KIAA0319L: variants seen among roughly 807,000 people sequenced by gnomAD.
The protein encoded by KIAA0319L is dyslexia-associated protein KIAA0319-like protein.
A neutral mutation model predicts 120.1 loss-of-function variants in KIAA0319L; 55 were observed. The ratio of observed to expected loss-of-function variants is 0.46; its 90% CI spans 0.37 to 0.57. KIAA0319L has a LOEUF of 0.57. KIAA0319L is among the 20% of genes least tolerant of loss of function. The pLI is 0.00. For synonymous variants in KIAA0319L, 398 were observed against 471.9 expected (o/e 0.84, Z 2.03); for missense variants, 1,049 against 1,255.3 (o/e 0.84, Z 2.48).
intron 2 of KIAA0319L, among the ~76,000 whole-genome samples, chr1:35,552,015 T>C (rs1375333694): frequency 6.7e-6 from 1 of 149,450 alleles, no homozygotes; most frequent in African/African-American, 2.5e-5. Context: ...ATCCCTCAAA[T>C]AGGAAGCTGC....
At chr1:35,442,788 AC>A in intron 18 of KIAA0319L, 117 bp downstream of exon 18, 1 of 1,258,722 alleles carries the variant, frequency 7.9e-7, no homozygotes, top group South Asian at 1.3e-5. Flanking sequence ...AACAGAAAAT[AC>A]ACAAAGTTCT....
intron 6 of KIAA0319L, among the ~76,000 whole-genome samples, chr1:35,470,499 A>C (rs1460229302): frequency 6.0e-5 from 9 of 150,276 alleles, no homozygotes; most frequent in African/African-American, 2.2e-4. Context: ...TCTCAAAAAA[A>C]AAAAAAAAAA....
chr1:35,517,133 C>T (rs1645714347), intron 2 of KIAA0319L, among the ~76,000 whole-genome samples: 2 of 152,098 alleles, frequency 1.3e-5, no homozygotes, highest in African/African-American at 4.8e-5. Flanking sequence ...GGTCATACTA[C>T]CCAAATCAAT....
chr1:35,448,409 G>T, intron 15 of KIAA0319L, 77 bp from the exon 16 acceptor site: 1 of 1,344,216 alleles, frequency 7.4e-7, no homozygotes, highest in Non-Finnish European at 1.0e-6. Context: ...ATTTGCTTTG[G>T]CACAGGAGAG....
chr1:35,546,856 C>T (rs1489759427), intron 2 of KIAA0319L, among the ~76,000 whole-genome samples: 7 of 151,904 alleles, frequency 4.6e-5, no homozygotes, highest in East Asian at 1.9e-4. Context: ...CTGGAACCCC[C>T]ATACTTTACT....
chr1:35,466,294 T>C (rs971560866), intron 7 of KIAA0319L, among the ~76,000 whole-genome samples: 1 of 152,158 alleles, frequency 6.6e-6, no homozygotes, highest in Non-Finnish European at 1.5e-5. Context: ...GGCTCTTGGC[T>C]TCCCTGTGTC....
At chr1:35,497,753 T>C (rs1234924685) in intron 3 of KIAA0319L, among the ~76,000 whole-genome samples, 2 of 152,188 alleles carry the variant, frequency 1.3e-5, no homozygotes, top group African/African-American at 2.4e-5. Flanking sequence ...TTATAACGAT[T>C]GCACAATGTC....
intron 2 of KIAA0319L, chr1:35,510,980 C>A (rs745700989): frequency 6.6e-6 from 1 of 152,020 alleles, no homozygotes; most frequent in Non-Finnish European, 1.5e-5. Context: ...GTTGGAGCAT[C>A]AGAAAAACCA....
rs1286913886 is a variant in KIAA0319L at position 35,448,242 on chromosome 1, A to G, written c.2444T>C (p.Ile815Thr). 7 of 1,614,106 alleles carry G rather than the reference A, an allele frequency of 4.3e-6. No homozygotes were observed. In the South Asian group the frequency reaches 5.5e-5, roughly 13 times the overall value. ...ATCCAGCACCCCCAGGAGGACCCCAATCTGGCGGATGAACATCCCCTTCAG... is the reference window on the plus strand; with the variant it reads ...ATCCAGCACCCCCAGGAGGACCCCAGTCTGGCGGATGAACATCCCCTTCAG... ...ERLKGMFIRQ[I>T]GVLLGVLDSD... Residue 815 changes from isoleucine to threonine, a missense_variant, in exon 16 of 21, where the codon ATT becomes ACT. Transcript: ENST00000325722.
At chr1:35,536,168 T>C (rs1646565469) in intron 2 of KIAA0319L, among the ~76,000 whole-genome samples, 1 of 152,098 alleles carries the variant, frequency 6.6e-6, no homozygotes, top group Non-Finnish European at 1.5e-5. Context: ...AATTGGGGAG[T>C]GCACTGAATA....
At position 35,442,465 on chromosome 1, in the gene KIAA0319L, A is replaced by G. The variant is rs2275248; in HGVS notation, c.2780-129T>C. 2.2e-4 allele frequency: 159 copies of G among 737,572 alleles called. 2 individuals are homozygous for G. The East Asian group carries it at 4.0e-3, about 18-fold the overall frequency. The allele number at this position is 737,572 out of a possible 1,614,324, so 45.7% of individuals were successfully genotyped here. A position where few individuals can be genotyped will look rare whatever the true frequency, so the allele number is the denominator to read the frequency against. Reference sequence around the variant, plus strand: ...AATGCCTCAGGCTCCCCAGGAAGGTAAGACCTTGGAGTTAAGGGCAGCTGA... The same window carrying G: ...AATGCCTCAGGCTCCCCAGGAAGGTGAGACCTTGGAGTTAAGGGCAGCTGA... On this transcript the variant is annotated intron_variant, in intron 18 of 20. Transcript: ENST00000325722.
intron 10 of KIAA0319L, among the ~76,000 whole-genome samples, chr1:35,455,446 C>A (rs1172145718): frequency 6.6e-6 from 1 of 152,154 alleles, no homozygotes; most frequent in African/African-American, 2.4e-5. Context: ...AGCCAATCTA[C>A]TCTAACTTGT....
intron 2 of KIAA0319L, among the ~76,000 whole-genome samples, chr1:35,537,553 A>G (rs970884776): frequency 6.6e-6 from 1 of 151,026 alleles, no homozygotes; most frequent in Non-Finnish European, 1.5e-5. Flanking sequence ...CCAATAGAGG[A>G]AAAGTTTATA....
chr1:35,468,533 A>G (rs895971179), intron 6 of KIAA0319L, among the ~76,000 whole-genome samples: 1 of 152,120 alleles, frequency 6.6e-6, no homozygotes, highest in African/African-American at 2.4e-5. Flanking sequence ...AGGTACCTCA[A>G]ACTCACTCTG....
chr1:35,495,620 A>G (rs1261839374), intron 3 of KIAA0319L, among the ~76,000 whole-genome samples: 1 of 152,042 alleles, frequency 6.6e-6, no homozygotes, highest in African/African-American at 2.4e-5. Flanking sequence ...AGAAAATAAC[A>G]CAGTTTTTTT....
In KIAA0319L at chr1:35,441,125, G is replaced by A. The variant is rs1215382604; in HGVS notation, c.2884C>T (p.Pro962Ser). ...ICCCKRQKGK[P>S]KRKSKYKILD... ...ATCTTGTACTTGCTTTTCCTCTTGG[G>A]TTTTCCTTTTTGCCTAAAAAACACA... The change falls in exon 20 of 21, where the codon CCC becomes TCC. Residue 962 changes from proline (P) to serine (S), a missense_variant. Physicochemically the swap from Pro to Ser is moderately conservative, Grantham distance 74. Coordinates refer to ENST00000325722, the MANE Select transcript of KIAA0319L (RefSeq NM_024874.5). 2 of 1,613,992 alleles carry A rather than the reference G, an allele frequency of 1.2e-6. No individual in the cohort carries two copies. The highest frequency in any genetic ancestry group is 1.7e-5 in the Admixed American group (1 of 60,000).
At chr1:35,456,303 A>G (rs554092968) in intron 9 of KIAA0319L, 62 bp from the exon 10 acceptor site, 5 of 1,101,294 alleles carry the variant, frequency 4.5e-6, no homozygotes, top group Non-Finnish European at 6.5e-6. Context: ...AATAAACACT[A>G]GAAGACTGAA....
At chr1:35,440,049 T>C (rs1641087553) in intron 20 of KIAA0319L, 1 of 152,122 alleles carries the variant, frequency 6.6e-6, no homozygotes, top group Admixed American at 6.5e-5. Flanking sequence ...GTTTTGCACA[T>C]TTCACCTCCA....
In KIAA0319L at chr1:35,453,621, T is replaced by C. The variant is rs1044702151; in HGVS notation, c.1849A>G (p.Thr617Ala). ...TCTGAGCTCTTGCTGCCATCCAGGG[T>C]TGTGCTATCCACAGGAAGGGTCAGC... is the stretch of plus-strand genomic sequence containing the variant. ...KELTLPVDST[T>A]LDGSKSSDDQ... The change falls in exon 12 of 21, where the codon ACC becomes GCC. Residue 617 changes from threonine to alanine, a missense_variant. Coordinates refer to ENST00000325722, the MANE Select transcript of KIAA0319L (RefSeq NM_024874.5). The surrounding 1 kb of genome is among the most constrained non-coding windows in gnomAD (Gnocchi z 4.1). 3 of 1,614,000 alleles carry C rather than the reference T, an allele frequency of 1.9e-6. No individual in the cohort carries two copies. Among genetic ancestry groups the C allele is most frequent in the Non-Finnish European group, 2.5e-6 (3 of 1,179,906 alleles).
Sources: allele counts gnomAD v4.1 joint callset (sites outside exome capture counted in the v4.1 genomes callset), GRCh38; gene constraint gnomAD v4.1.1; non-coding constraint Gnocchi (gnomAD v3.1); transcripts MANE v1.5; gene names NCBI Gene and HGNC (gene_info 2026-07-23, HGNC 2026-07-21).